YTHDC2: variants seen among roughly 807,000 people sequenced by gnomAD.
YTHDC2 encodes the protein YTH N6-methyladenosine RNA binding protein C2.
In YTHDC2, 45 loss-of-function variants were observed where a neutral mutation model predicts 174.9. The observed-to-expected ratio is 0.26, with a 90% CI of 0.20 to 0.33. The LOEUF is 0.33. Among genes scored for constraint, YTHDC2 ranks in the 10% least tolerant of loss-of-function variants. The probability of loss-of-function intolerance (pLI) is 1.00; values close to 1 mark genes in which losing one functional copy is unlikely to be tolerated. For missense variants in YTHDC2, 1,650 were observed against 1,723.7 expected (o/e 0.96, Z 0.76); for synonymous variants, 657 against 574.5 (o/e 1.14, Z -2.05).
rs1172024052 is a variant in YTHDC2, at chr5:113,563,468, A to G, written c.2418A>G (p.Val806=). 1.2e-6 allele frequency: 2 copies of G among 1,609,654 alleles called. No homozygotes were observed. Among genetic ancestry groups the G allele is most frequent in the Non-Finnish European group, 1.7e-6 (2 of 1,177,594 alleles). The change falls in exon 19 of 30, where the codon GTA becomes GTG. Residue 806 remains valine, a synonymous_variant. Coordinates refer to ENST00000161863, the MANE Select transcript of YTHDC2 (RefSeq NM_022828.5). ...CTGAACCTCCACCAGCTTTAATTGT[A>G]AGAAATGCTGTACAAATGCTTAAGG... is the stretch of plus-strand genomic sequence containing the variant. ...KAPEPPPALI[V]RNAVQMLKTI...
At position 113,526,736 on chromosome 5, in the gene YTHDC2, A is replaced by G. The variant is rs1774266645; in HGVS notation, c.626A>G (p.Asn209Ser). 1 of 1,570,806 alleles carries G rather than the reference A, an allele frequency of 6.4e-7. No homozygotes were observed. ...GAAATTGTTAAAATAATTAAGGAAAATAAAGTAGTTTTGATTGTAGGAGAA... is the reference window on the plus strand; with the variant it reads ...GAAATTGTTAAAATAATTAAGGAAAGTAAAGTAGTTTTGATTGTAGGAGAA... ...QEEIVKIIKE[N>S]KVVLIVGETG... Residue 209 changes from asparagine (N) to serine (S), a missense_variant, in exon 4 of 30, where the codon AAT becomes AGT. This residue lies in a region of YTHDC2 where 304 missense variants were observed against 341.4 expected (regional missense o/e 0.89). Coordinates refer to ENST00000161863, the MANE Select transcript of YTHDC2 (RefSeq NM_022828.5).
chr5:113,559,596 C>T (rs1012224542), intron 17 of YTHDC2, among the ~76,000 whole-genome samples: 11 of 152,166 alleles, frequency 7.2e-5, no homozygotes, highest in African/African-American at 2.7e-4. Flanking sequence ...ATTAACAGCA[C>T]AAAAATAGCC....
Position 113,595,077 on chromosome 5 carries a change from A to G in YTHDC2, c.*1603A>G, listed in dbSNP as rs1299688201. 6.6e-6 allele frequency: 1 copy of G among 152,064 alleles called. No individual in the cohort carries two copies. The allele number at this position is 152,064 out of a possible 1,614,324, so 9.4% of individuals were successfully genotyped here. On this transcript the variant is annotated 3_prime_UTR_variant, in exon 30 of 30. Coordinates refer to ENST00000161863, the MANE Select transcript of YTHDC2 (RefSeq NM_022828.5). The stretch of plus-strand genomic sequence containing the variant: ...CTGATAATGTGTACATTTTTTAGGC[A>G]TGTACTTAATAGTTCACAATGTTCT...
intron 1 of YTHDC2, chr5:113,514,334 C>T (rs1773248092): frequency 1.5e-6 from 1 of 679,406 alleles, no homozygotes; most frequent in Non-Finnish European, 2.7e-6. Flanking sequence ...AGTGTTTTTC[C>T]CCCGCGTCTT....
chr5:113,547,791 A>T (rs1372735957), intron 10 of YTHDC2, among the ~76,000 whole-genome samples: 7 of 152,198 alleles, frequency 4.6e-5, no homozygotes, highest in Non-Finnish European at 7.3e-5. Context: ...TTGGGTATAC[A>T]TACTGTATAT....
chr5:113,586,660 T>G (rs1431140819), intron 26 of YTHDC2, among the ~76,000 whole-genome samples: 1 of 151,362 alleles, frequency 6.6e-6, no homozygotes, highest in African/African-American at 2.4e-5. Flanking sequence ...GATATATGAT[T>G]TATTTTAAGT....
At chr5:113,579,720 TA>T (rs754632063) in intron 24 of YTHDC2, 25 bp downstream of exon 24, 1 of 1,571,242 alleles carries the variant, frequency 6.4e-7, no homozygotes, top group Non-Finnish European at 8.6e-7. Context: ...AGTAGTGTAA[TA>T]AATTTCTTTC....
Position 113,532,953 on chromosome 5 carries a change from A to G in YTHDC2, c.750A>G (p.Arg250=). ...PCRIFCTQPR[R]LAAIAVAERV... is the part of the protein sequence containing the mutation. The stretch of plus-strand genomic sequence containing the variant: ...GTATATTTTGTACTCAACCAAGACG[A>G]TTGGCAGCTATCGCTGTGGCTGAAA... Residue 250 remains arginine (R), a synonymous_variant, in exon 5 of 30, where the codon CGA becomes CGG. Coordinates refer to ENST00000161863, the MANE Select transcript of YTHDC2 (RefSeq NM_022828.5). 6.2e-7 allele frequency: 1 copy of G among 1,614,204 alleles called. No individual in the cohort carries two copies. The highest frequency in any genetic ancestry group is 1.1e-5 in the South Asian group (1 of 91,086).
In YTHDC2 at chr5:113,567,782, TATA is replaced by T; in HGVS notation, c.3178_3180del (p.Ile1060del). ...GTTGTTCAGCAGTGACGCCTGTCAC[TATA>T]TTGGTATTCTGTGGACCAGCTAGAT... On this transcript the variant is annotated inframe_deletion, in exon 23 of 30. Coordinates refer to ENST00000161863, the MANE Select transcript of YTHDC2 (RefSeq NM_022828.5). 6.2e-7 allele frequency: 1 copy of T among 1,606,934 alleles called. No homozygotes were observed. The highest frequency in any genetic ancestry group is 1.3e-5 in the African/African-American group (1 of 74,818).
intron 27 of YTHDC2, 43 bp from the exon 28 acceptor site, chr5:113,591,953 A>G: frequency 2.2e-6 from 3 of 1,387,868 alleles, no homozygotes; most frequent in East Asian, 2.5e-5. Context: ...AGACATGCTA[A>G]TCTCCTCCTC....
At chr5:113,593,159 T>A (rs2112833084) in intron 28 of YTHDC2, 144 bp from the exon 29 acceptor site, 1 of 603,506 alleles carries the variant, frequency 1.7e-6, no homozygotes, top group South Asian at 2.1e-5. Context: ...ATTAGAACAA[T>A]TCATACCAGA....
At chr5:113,553,422 G>A in intron 13 of YTHDC2, 63 bp downstream of exon 13, 2 of 1,492,150 alleles carry the variant, frequency 1.3e-6, no homozygotes, top group Admixed American at 2.2e-5. Flanking sequence ...AATATTTTAA[G>A]TGTACAAATT....
At position 113,567,761 on chromosome 5, in the gene YTHDC2, T is replaced by G; in HGVS notation, c.3156T>G (p.Cys1052Trp). The G allele has an allele frequency of 6.2e-7, 1 of 1,610,366 alleles. No homozygotes were observed. Among genetic ancestry groups the G allele is most frequent in the Non-Finnish European group, 8.5e-7 (1 of 1,178,208 alleles). The change falls in exon 23 of 30, where the codon TGT becomes TGG. Residue 1052 changes from cysteine to tryptophan, a missense_variant. Physicochemically the swap from Cys to Trp is radical, Grantham distance 215. Around this residue, in one of 5 missense-constraint regions of YTHDC2, gnomAD observed 913 missense variants for 940.4 expected, o/e 0.97. Transcript: ENST00000161863. ...RAHRIANIRC[C>W]SAVTPVTILV... ...ATAGAATAGCTAATATTAGATGTTG[T>G]TCAGCAGTGACGCCTGTCACTATAT...
intron 17 of YTHDC2, among the ~76,000 whole-genome samples, chr5:113,559,966 A>G (rs895566094): frequency 6.6e-6 from 1 of 152,242 alleles, no homozygotes; most frequent in Non-Finnish European, 1.5e-5. Flanking sequence ...CTGGAGGGCC[A>G]AAGAACAGTA....
chr5:113,527,853 A>C (rs75711984), intron 4 of YTHDC2, among the ~76,000 whole-genome samples: 4,265 of 152,070 alleles, frequency 0.028, 526 homozygotes, highest in Admixed American at 0.22. Flanking sequence ...CAGTGGTGCT[A>C]TCTCGGCTTA....
At chr5:113,535,927 CTTAA>C (rs1390273570) in intron 7 of YTHDC2, 129 bp downstream of exon 7, 2 of 692,832 alleles carry the variant, frequency 2.9e-6, no homozygotes, top group East Asian at 3.0e-5. Context: ...CTGAGATAGG[CTTAA>C]TTGTCACTTC....
At position 113,593,374 on chromosome 5, in the gene YTHDC2, A is replaced by G; in HGVS notation, c.4284A>G (p.Thr1428=). The G allele has an allele frequency of 6.2e-7, 1 of 1,612,346 alleles. No individual in the cohort carries two copies. The highest frequency in any genetic ancestry group is 8.5e-7 in the Non-Finnish European group (1 of 1,178,788). The change falls in exon 29 of 30, where the codon ACA becomes ACG. Residue 1428 remains threonine, a synonymous_variant. Coordinates refer to ENST00000161863, the MANE Select transcript of YTHDC2 (RefSeq NM_022828.5). ...WERLPLGEKN[T]TD ...GTCTTCCCTTGGGAGAAAAAAACAC[A>G]ACTGATTGACACTCAGGTTATACCA...
intron 7 of YTHDC2, among the ~76,000 whole-genome samples, chr5:113,538,466 T>TTA (rs1775233230): frequency 6.6e-6 from 1 of 152,298 alleles, no homozygotes; most frequent in East Asian, 1.9e-4. Context: ...TTCAAGTAAG[T>TTA]TAGCCTTTTA....
chr5:113,534,405 G>T lies in YTHDC2; in HGVS notation c.943G>T (p.Val315Leu), dbSNP rs377127881. Reference sequence around the variant, plus strand: ...GTTGTCGACTGTGACACATGTTATCGTGGTAAGAATATTGCTGAATTTGTC... The same window carrying T: ...GTTGTCGACTGTGACACATGTTATCTTGGTAAGAATATTGCTGAATTTGTC... ...STLSTVTHVI[V>L]DEVHERDRFS... Residue 315 changes from valine (V) to leucine (L), a missense_variant and splice_region_variant, in exon 6 of 30, where the codon GTG (valine) becomes TTG (leucine). Physicochemically the swap from Val to Leu is conservative, Grantham distance 32. Transcript: ENST00000161863. 1 of 1,610,010 alleles carries T rather than the reference G, an allele frequency of 6.2e-7. No homozygotes were observed. The highest frequency in any genetic ancestry group is 2.2e-5 in the East Asian group (1 of 44,798).
Sources: gnomAD v4.1 joint callset for allele counts (sites outside exome capture counted in the v4.1 genomes callset) on GRCh38, gnomAD v4.1.1 for gene constraint, gnomAD v4.1.1 regional missense constraint, MANE v1.5 for transcripts, NCBI Gene and HGNC (gene_info 2026-07-23, HGNC 2026-07-21) for gene names.